The following DNAJC1 variants were observed in gnomAD, a reference collection of about 807,000 sequenced individuals.
DNAJC1 encodes the protein dnaJ homolog subfamily C member 1.
A neutral mutation model predicts 76.6 loss-of-function variants in DNAJC1; 58 were observed. The observed-to-expected ratio is 0.76, with a 90% CI of 0.61 to 0.94. The LOEUF is 0.94. Ranked by LOEUF, DNAJC1 falls within the 40% of genes least tolerant of loss-of-function variation. The pLI is 0.00. For synonymous variants in DNAJC1, 258 were observed against 267.9 expected (o/e 0.96, Z 0.36); for missense variants, 689 against 677.3 (o/e 1.02, Z -0.19).
chr10:21,886,737 AATAG>A (rs1836370975), intron 7 of DNAJC1, among the ~76,000 whole-genome samples: 1 of 152,188 alleles, frequency 6.6e-6, no homozygotes, highest in African/African-American at 2.4e-5. Context: ...TGATTACCTG[AATAG>A]ATACAGAAAA....
intron 9 of DNAJC1, among the ~76,000 whole-genome samples, chr10:21,790,921 T>C (rs941868305): frequency 3.9e-5 from 6 of 152,128 alleles, no homozygotes; most frequent in South Asian, 2.1e-4. Flanking sequence ...TTAAAAGATA[T>C]AGACTGGCAA....
chr10:21,787,424 G>C (rs996940224), intron 9 of DNAJC1, among the ~76,000 whole-genome samples: 1 of 151,868 alleles, frequency 6.6e-6, no homozygotes, highest in African/African-American at 2.4e-5. Flanking sequence ...AGGAGGAGAA[G>C]GAGAAGAAGA....
chr10:21,937,402 TC>T (rs1373973339), intron 1 of DNAJC1, among the ~76,000 whole-genome samples: 1 of 152,022 alleles, frequency 6.6e-6, no homozygotes, highest in Non-Finnish European at 1.5e-5. Context: ...AAAAGGTCAA[TC>T]CATCAAGAAG....
intron 9 of DNAJC1, among the ~76,000 whole-genome samples, chr10:21,776,037 C>T (rs1238630226): frequency 6.6e-6 from 1 of 151,932 alleles, no homozygotes. Context: ...AATTGGGGAC[C>T]TATGATGTAA....
chr10:21,997,500 G>A (rs571618710), intron 1 of DNAJC1, among the ~76,000 whole-genome samples: 1 of 152,284 alleles, frequency 6.6e-6, no homozygotes, highest in Admixed American at 6.5e-5. Flanking sequence ...ATAGCTTTCT[G>A]ACTGATCAGC....
At chr10:21,816,567 A>G (rs975294768) in intron 8 of DNAJC1, among the ~76,000 whole-genome samples, 2 of 138,168 alleles carry the variant, frequency 1.4e-5, no homozygotes, top group Non-Finnish European at 1.5e-5. Context: ...TTTTTTTGAG[A>G]CGGAGACTCG....
intron 1 of DNAJC1, among the ~76,000 whole-genome samples, chr10:21,939,936 C>A: frequency 6.9e-6 from 1 of 145,578 alleles, no homozygotes; most frequent in Non-Finnish European, 1.5e-5. Context: ...CCACCCCAAA[C>A]CTCTCTCAAA....
intron 8 of DNAJC1, among the ~76,000 whole-genome samples, chr10:21,878,435 T>C (rs1228787391): frequency 6.6e-6 from 1 of 152,220 alleles, no homozygotes; most frequent in Non-Finnish European, 1.5e-5. Context: ...GATTTAGTAC[T>C]GCATCTTTAC....
At chr10:21,782,456 A>G (rs1834544575) in intron 9 of DNAJC1, among the ~76,000 whole-genome samples, 1 of 152,230 alleles carries the variant, frequency 6.6e-6, no homozygotes, top group Non-Finnish European at 1.5e-5. Flanking sequence ...GAATTCTACC[A>G]GAGGTACAAG....
intron 6 of DNAJC1, among the ~76,000 whole-genome samples, chr10:21,905,460 T>C (rs959896161): frequency 1.3e-5 from 2 of 152,158 alleles, no homozygotes; most frequent in Admixed American, 6.5e-5. Context: ...GTCTGTGCAA[T>C]TGCTTTGCCC....
intron 7 of DNAJC1, among the ~76,000 whole-genome samples, chr10:21,902,728 A>C (rs960595170): frequency 3.3e-5 from 5 of 152,194 alleles, no homozygotes; most frequent in Non-Finnish European, 7.3e-5. Context: ...TAAACACTTC[A>C]TGTTTAACCT....
At chr10:21,940,979 C>A (rs375204118) in intron 1 of DNAJC1, among the ~76,000 whole-genome samples, 1 of 151,100 alleles carries the variant, frequency 6.6e-6, no homozygotes, top group Non-Finnish European at 1.5e-5. Context: ...TGGCCAGGCG[C>A]GGTAGCTCAC....
At position 21,910,915 on chromosome 10, in the gene DNAJC1, GAA is replaced by G. The variant is rs373105394; in HGVS notation, c.730-6305_730-6304del. ...AAAGGAAGGAAAGAAAAGGAAGAAA[GAA>G]AGAGAGAGATGGAGAGAGAGAAAGA... On this transcript the variant is annotated intron_variant, in intron 6 of 11. Coordinates refer to ENST00000376980, the MANE Select transcript of DNAJC1 (RefSeq NM_022365.4). Among the ~76,000 whole-genome samples the G allele has an allele frequency of 4.2e-4, 60 of 142,934 alleles. 1 individual carries two copies. The East Asian group carries it at 7.1e-3, about 17-fold the overall frequency. 93.8% of individuals were successfully genotyped at this position (142,934 alleles called of 152,430 possible).
At chr10:21,855,195 A>G (rs1476695958) in intron 8 of DNAJC1, among the ~76,000 whole-genome samples, 1 of 152,164 alleles carries the variant, frequency 6.6e-6, no homozygotes, top group Non-Finnish European at 1.5e-5. Flanking sequence ...AAACACATAA[A>G]CAGTGAATAA....
intron 1 of DNAJC1, among the ~76,000 whole-genome samples, chr10:21,980,268 G>GA (rs958935956): frequency 2.6e-4 from 39 of 152,042 alleles, no homozygotes; most frequent in Admixed American, 2.2e-3. Context: ...TTAACAAAGA[G>GA]AAAATAGTAA....
At chr10:21,831,161 G>A (rs1835351472) in intron 8 of DNAJC1, among the ~76,000 whole-genome samples, 2 of 152,124 alleles carry the variant, frequency 1.3e-5, no homozygotes, top group South Asian at 4.1e-4. Context: ...AACCCTGTTT[G>A]GGGTAAGCCT....
intron 1 of DNAJC1, among the ~76,000 whole-genome samples, chr10:21,976,043 A>G (rs979509874): frequency 5.3e-5 from 8 of 152,260 alleles, no homozygotes; most frequent in African/African-American, 1.9e-4. Flanking sequence ...TCCATAAATT[A>G]GCTGCTGCAT....
Position 21,902,367 on chromosome 10 carries a change from C to T in DNAJC1, c.820+2155G>A, listed in dbSNP as rs114409049. Among the ~76,000 whole-genome samples the T allele has an allele frequency of 4.8e-3, 732 of 152,190 alleles. 7 individuals are homozygous for T. Among genetic ancestry groups the T allele is most frequent in the African/African-American group, 0.017 (695 of 41,520 alleles). ...GGAGTCTTGCTCTGTCACCCAGGCACGATCTCGACTCACTGCAATGTCTGC... is the reference window on the plus strand; with the variant it reads ...GGAGTCTTGCTCTGTCACCCAGGCATGATCTCGACTCACTGCAATGTCTGC... On this transcript the variant is annotated intron_variant, in intron 7 of 11. Coordinates refer to ENST00000376980, the MANE Select transcript of DNAJC1 (RefSeq NM_022365.4).
intron 8 of DNAJC1, among the ~76,000 whole-genome samples, chr10:21,848,273 T>C (rs1835692894): frequency 6.6e-6 from 1 of 152,234 alleles, no homozygotes; most frequent in Admixed American, 6.5e-5. Context: ...GAAAAATGTC[T>C]ATTAAGATCA....
Sources: gnomAD v4.1 joint callset for allele counts (sites outside exome capture counted in the v4.1 genomes callset) on GRCh38, gnomAD v4.1.1 for gene constraint, MANE v1.5 for transcripts, NCBI Gene and HGNC (gene_info 2026-07-23, HGNC 2026-07-21) for gene names.